Variants in AGAP1 observed in about 807,000 individuals in gnomAD.
The protein encoded by AGAP1 is ArfGAP with GTPase domain, ankyrin repeat and PH domain 1.
A neutral mutation model predicts 105.3 loss-of-function variants in AGAP1; 29 were observed. That is an observed-to-expected ratio of 0.28 (90% confidence interval 0.21 to 0.38). The LOEUF (loss-of-function observed/expected upper bound fraction) is 0.38, where lower values mean the gene tolerates loss of function less well. AGAP1 is among the 10% of genes least tolerant of loss of function. The pLI, the probability that AGAP1 is intolerant of heterozygous loss-of-function variation, is 1.00. For synonymous variants in AGAP1, 509 were observed against 485.9 expected (o/e 1.05, Z -0.63); for missense variants, 998 against 1,165.1 (o/e 0.86, Z 2.09).
intron 1 of AGAP1, among the ~76,000 whole-genome samples, chr2:235,619,043 A>G (rs1374258978): frequency 6.6e-6 from 1 of 152,100 alleles, no homozygotes. Flanking sequence ...GGAATGGGGG[A>G]GAGCGCTAGG....
At chr2:235,772,895 C>T (rs1472436924) in intron 6 of AGAP1, among the ~76,000 whole-genome samples, 5 of 152,136 alleles carry the variant, frequency 3.3e-5, no homozygotes, top group African/African-American at 4.8e-5. Context: ...GTAAAGCTGT[C>T]GGGATGGCTC....
At position 235,970,305 on chromosome 2, in the gene AGAP1, C is replaced by T. The variant is rs1477541318; in HGVS notation, c.1645+1682C>T. The stretch of plus-strand genomic sequence containing the variant: ...ATGGTGGAAAATAATGGTTATGGGT[C>T]AGAGCAGCCACAGATGCCACTGACC... On this transcript the variant is annotated intron_variant, in intron 13 of 17. Coordinates refer to ENST00000304032, the MANE Select transcript of AGAP1 (RefSeq NM_001037131.3). This position sits in a 1 kb window ranked among gnomAD's most constrained non-coding sequence, Gnocchi z 5.4. Among the ~76,000 whole-genome samples the T allele has an allele frequency of 6.6e-6, 1 of 151,604 alleles. No homozygotes were observed. The highest frequency in any genetic ancestry group is 1.5e-5 in the Non-Finnish European group (1 of 67,994).
chr2:236,065,687 C>G (rs187500285), intron 16 of AGAP1, among the ~76,000 whole-genome samples: 33 of 152,346 alleles, frequency 2.2e-4, no homozygotes, highest in African/African-American at 7.9e-4. Flanking sequence ...TGCCGGAACA[C>G]ATCATCTCCA....
At chr2:235,545,541 T>G (rs1168353574) in intron 1 of AGAP1, among the ~76,000 whole-genome samples, 1 of 152,232 alleles carries the variant, frequency 6.6e-6, no homozygotes, top group Non-Finnish European at 1.5e-5. Context: ...TTAGTTTTAC[T>G]CCGACTCCGT....
At position 236,124,101 on chromosome 2, in the gene AGAP1, G is replaced by A. The variant is rs2059965287; in HGVS notation, c.2553G>A (p.Gly851=). 2 of 1,614,078 alleles carry A rather than the reference G, an allele frequency of 1.2e-6. No individual in the cohort carries two copies. The highest frequency in any genetic ancestry group is 2.7e-5 in the African/African-American group (2 of 75,046). The change falls in exon 18 of 18, where the codon GGG becomes GGA. Residue 851 remains glycine, a synonymous_variant. Transcript: ENST00000304032. The surrounding 1 kb of genome is among the most constrained non-coding windows in gnomAD (Gnocchi z 5.1). ...RRNNNRNNSS[G]RVPTII ...ACAATAACCGGAACAACAGCAGTGG[G>A]AGGGTGCCCACCATCATCTGAGGAA...
chr2:236,065,262 A>G (rs1407731202), intron 16 of AGAP1, among the ~76,000 whole-genome samples: 1 of 152,182 alleles, frequency 6.6e-6, no homozygotes, highest in Non-Finnish European at 1.5e-5. Flanking sequence ...ACTTATTCGC[A>G]CACAGGGGCA....
intron 1 of AGAP1, among the ~76,000 whole-genome samples, chr2:235,587,413 G>T (rs1420563575): frequency 3.3e-5 from 5 of 152,182 alleles, no homozygotes; most frequent in Non-Finnish European, 7.3e-5. Context: ...TGCTCACCAT[G>T]TGCTGGGTGC....
At chr2:235,503,142 C>T (rs947040877) in intron 1 of AGAP1, among the ~76,000 whole-genome samples, 8 of 152,186 alleles carry the variant, frequency 5.3e-5, no homozygotes, top group Non-Finnish European at 1.5e-5. Context: ...TGGTACCCTT[C>T]AGCAGGATTG....
rs1301747268 is a variant in AGAP1, at chr2:235,664,366, C to G, written c.164-44813C>G. On this transcript the variant is annotated intron_variant, in intron 1 of 17. Coordinates refer to ENST00000304032, the MANE Select transcript of AGAP1 (RefSeq NM_001037131.3). This position sits in a 1 kb window ranked among gnomAD's most constrained non-coding sequence, Gnocchi z 5.7. ...AGCTGGGATTACAGGTGCACACCAC[C>G]ACGCCCAGCTAATTTTTTTTGTATT... Among the ~76,000 whole-genome samples the G allele has an allele frequency of 6.6e-6, 1 of 151,978 alleles. No individual in the cohort carries two copies. The highest frequency in any genetic ancestry group is 2.4e-5 in the African/African-American group (1 of 41,364).
intron 6 of AGAP1, among the ~76,000 whole-genome samples, chr2:235,784,921 A>G (rs1956527456): frequency 6.6e-6 from 1 of 152,200 alleles, no homozygotes; most frequent in Non-Finnish European, 1.5e-5. Context: ...CTTAATGCAC[A>G]AAGCCCTGTT....
intron 1 of AGAP1, among the ~76,000 whole-genome samples, chr2:235,562,904 C>G (rs1559250238): frequency 1.3e-5 from 2 of 151,904 alleles, no homozygotes; most frequent in South Asian, 4.1e-4. Context: ...TTAAAAAATA[C>G]AAAAAAATTA....
intron 11 of AGAP1, among the ~76,000 whole-genome samples, chr2:235,921,517 G>A (rs1209832081): frequency 1.3e-5 from 2 of 152,136 alleles, no homozygotes; most frequent in East Asian, 1.9e-4. Flanking sequence ...TTAGAACAGG[G>A]AGAAAGCAGC....
intron 8 of AGAP1, among the ~76,000 whole-genome samples, chr2:235,805,640 A>G (rs1957800370): frequency 6.6e-6 from 1 of 152,178 alleles, no homozygotes; most frequent in Admixed American, 6.5e-5. Flanking sequence ...ATCAACTGTG[A>G]TGTGGAGAAA....
intron 10 of AGAP1, among the ~76,000 whole-genome samples, chr2:235,886,762 A>C (rs909597423): frequency 1.3e-5 from 2 of 152,228 alleles, no homozygotes; most frequent in African/African-American, 4.8e-5. Flanking sequence ...GATTTGAATC[A>C]CTAGAGCCTG....
Position 235,824,260 on chromosome 2 carries a change from C to T in AGAP1, c.1050+16929C>T, listed in dbSNP as rs766382362. Among the ~76,000 whole-genome samples, 4 of 152,224 alleles carry T rather than the reference C, an allele frequency of 2.6e-5. No homozygotes were observed. The highest frequency in any genetic ancestry group is 4.4e-5 in the Non-Finnish European group (3 of 68,048). ...TCCCTTTCCCCTTAATACAGAAATC[C>T]TCTAAGTGTATTCGAAAGCAGTTGT... On this transcript the variant is annotated intron_variant, in intron 9 of 17. Transcript: ENST00000304032. The surrounding 1 kb of genome is among the most constrained non-coding windows in gnomAD (Gnocchi z 5.2).
chr2:235,573,912 C>G (rs2149171899), intron 1 of AGAP1, among the ~76,000 whole-genome samples: 1 of 152,362 alleles, frequency 6.6e-6, no homozygotes, highest in Admixed American at 6.5e-5. Flanking sequence ...GGGGCTGGCT[C>G]CTGGCAGAGC....
At chr2:235,853,788 G>T (rs903594516) in intron 9 of AGAP1, among the ~76,000 whole-genome samples, 6 of 152,074 alleles carry the variant, frequency 3.9e-5, no homozygotes, top group African/African-American at 1.4e-4. Context: ...AGAACAGACT[G>T]GTGTGTGTGG....
rs1461213285 is a variant in AGAP1 at position 235,882,784 on chromosome 2, C to T, written c.1051-561C>T. 6.6e-6 allele frequency among the ~76,000 whole-genome samples: 1 copy of T among 151,538 alleles called. No homozygotes were observed. Among genetic ancestry groups the T allele is most frequent in the African/African-American group, 2.4e-5 (1 of 41,196 alleles). ...GCCACCGTGCCCGGCCTGGTTAATG[C>T]AGTTTTTTTAGTTTGTTCTTTCTTT... On this transcript the variant is annotated intron_variant, in intron 9 of 17. Coordinates refer to ENST00000304032, the MANE Select transcript of AGAP1 (RefSeq NM_001037131.3). The surrounding 1 kb of genome is among the most constrained non-coding windows in gnomAD (Gnocchi z 4.6).
Position 236,101,579 on chromosome 2 carries a change from G to A in AGAP1, c.2115-18613G>A, listed in dbSNP as rs1021258924. ...CTCTCCCTGGTGTTTAAAGGGCGTC[G>A]GTGCACGTACAGCGAGGGCTTACAT... On this transcript the variant is annotated intron_variant, in intron 16 of 17. Coordinates refer to ENST00000304032, the MANE Select transcript of AGAP1 (RefSeq NM_001037131.3). This position sits in a 1 kb window ranked among gnomAD's most constrained non-coding sequence, Gnocchi z 4.9. Among the ~76,000 whole-genome samples, 5 of 152,260 alleles carry A rather than the reference G, an allele frequency of 3.3e-5. No individual in the cohort carries two copies. The highest frequency in any genetic ancestry group is 1.9e-4 in the East Asian group (1 of 5,176).
Sources: allele counts gnomAD v4.1 joint callset (sites outside exome capture counted in the v4.1 genomes callset), GRCh38; gene constraint gnomAD v4.1.1; non-coding constraint Gnocchi (gnomAD v3.1); transcripts MANE v1.5; gene names NCBI Gene and HGNC (gene_info 2026-07-23, HGNC 2026-07-21).